The following GLDC variants were observed in gnomAD, a reference collection of about 807,000 sequenced individuals.
GLDC encodes the protein glycine dehydrogenase (decarboxylating), mitochondrial.
A neutral mutation model predicts 121.3 loss-of-function variants in GLDC; 104 were observed. The ratio of observed to expected loss-of-function variants is 0.86; its 90% CI spans 0.73 to 1.01. GLDC has a LOEUF of 1.01. GLDC is among the 50% of genes least tolerant of loss of function. The pLI is 0.00. For missense variants in GLDC, 1,429 were observed against 1,306.6 expected, an observed-to-expected ratio of 1.09 and a Z score of -1.44; for synonymous variants, 546 against 480.6, an observed-to-expected ratio of 1.14 and a Z score of -1.78.
In GLDC at chr9:6,532,486, A is replaced by G. The variant is rs555435648; in HGVS notation, c.*531T>C. ...GCATTCTTCCGATCAAGATGCTTTT[A>G]TTAGAATACTAATAAATGCAGATTA... On this transcript the variant is annotated 3_prime_UTR_variant, in exon 25 of 25. Coordinates refer to ENST00000321612, the MANE Select transcript of GLDC (RefSeq NM_000170.3). The G allele has an allele frequency of 6.4e-6, 1 of 155,512 alleles. No individual in the cohort carries two copies. The highest frequency in any genetic ancestry group is 1.4e-5 in the Non-Finnish European group (1 of 70,162). 9.6% of individuals were successfully genotyped at this position (155,512 alleles called of 1,614,324 possible).
At chr9:6,645,128 A>G (rs1292948372) in intron 1 of GLDC, 117 bp downstream of exon 1, 3 of 1,063,448 alleles carry the variant, frequency 2.8e-6, no homozygotes, top group Non-Finnish European at 2.7e-6. Context: ...CCCGGGACCC[A>G]GGGTGCGGGG....
chr9:6,619,118 G>A (rs1477557354), intron 3 of GLDC, among the ~76,000 whole-genome samples: 1 of 132,772 alleles, frequency 7.5e-6, no homozygotes, highest in Non-Finnish European at 1.5e-5. Flanking sequence ...ACTCCAGCCT[G>A]GGCAACAGAG....
intron 22 of GLDC, among the ~76,000 whole-genome samples, chr9:6,539,837 A>C (rs945980930): frequency 3.3e-5 from 5 of 152,290 alleles, no homozygotes; most frequent in African/African-American, 1.2e-4. Flanking sequence ...CTGTTAATGG[A>C]TTCAAGATGC....
Position 6,595,033 on chromosome 9 carries a change from G to C in GLDC, c.1242C>G (p.Ala414=), listed in dbSNP as rs761471932. 6.3e-7 allele frequency: 1 copy of C among 1,598,882 alleles called. No homozygotes were observed. The highest frequency in any genetic ancestry group is 1.7e-5 in the Admixed American group (1 of 59,996). The change falls in exon 9 of 25, where the codon GCC becomes GCG. Residue 414 remains alanine, a synonymous_variant. Coordinates refer to ENST00000321612, the MANE Select transcript of GLDC (RefSeq NM_000170.3). ...LEHIARRVHN[A]TLILSEGLKR... ...ACTCACCTTCTGACAAAATCAAAGT[G>C]GCATTATGTACCCTCCTAGCAATAT...
chr9:6,578,904 TTC>T (rs1270180428), intron 15 of GLDC, among the ~76,000 whole-genome samples: 1 of 152,250 alleles, frequency 6.6e-6, no homozygotes, highest in African/African-American at 2.4e-5. Context: ...GTTATTTAAT[TTC>T]CACATATTTG....
chr9:6,532,788 G>C lies in GLDC; in HGVS notation c.*229C>G, dbSNP rs184498089. 4.6e-4 allele frequency: 248 copies of C among 537,510 alleles called. 2 individuals carry two copies. The highest frequency in any genetic ancestry group is 4.1e-3 in the African/African-American group (217 of 52,698). The allele number at this position is 537,510 out of a possible 1,614,324, so 33.3% of individuals were successfully genotyped here. A position where few individuals can be genotyped will look rare whatever the true frequency, so the allele number is the denominator to read the frequency against. ...AAAACACAAAATGGCTCCCAATCCA[G>C]GCAACTGGCACATGTGGAAGCAGAA... On this transcript the variant is annotated 3_prime_UTR_variant, in exon 25 of 25. Transcript: ENST00000321612.
chr9:6,588,589 A>G, intron 13 of GLDC, 29 bp downstream of exon 13: 4 of 1,560,188 alleles, frequency 2.6e-6, no homozygotes, highest in Non-Finnish European at 3.5e-6. Flanking sequence ...GGTAGCTTGG[A>G]AATGAGAAAA....
chr9:6,563,527 C>T (rs187649863), intron 16 of GLDC, among the ~76,000 whole-genome samples: 73 of 152,216 alleles, frequency 4.8e-4, no homozygotes, highest in African/African-American at 1.7e-3. Flanking sequence ...AACATGGAAG[C>T]CATGAGGGAA....
Position 6,608,606 on chromosome 9 carries a change from C to T in GLDC, c.635+1586G>A, listed in dbSNP as rs184892054. 3.7e-3 allele frequency among the ~76,000 whole-genome samples: 556 copies of T among 149,598 alleles called. 2 individuals are homozygous for T. The highest frequency in any genetic ancestry group is 0.013 in the African/African-American group (533 of 40,766). ...ATACAAAAAAAAAAAATTAGCCGGG[C>T]GTGGTGGCAGGCACCTGTAGTCCCA... is the stretch of plus-strand genomic sequence containing the variant. On this transcript the variant is annotated intron_variant, in intron 4 of 24. Coordinates refer to ENST00000321612, the MANE Select transcript of GLDC (RefSeq NM_000170.3).
chr9:6,644,463 G>A (rs1335653177), intron 2 of GLDC, 151 bp downstream of exon 2: 14 of 678,042 alleles, frequency 2.1e-5, no homozygotes, highest in Middle Eastern at 2.6e-4. Flanking sequence ...CCACCTTCCC[G>A]CGGCTCCGGA....
chr9:6,635,225 G>A (rs748109794), intron 2 of GLDC, among the ~76,000 whole-genome samples: 4 of 152,192 alleles, frequency 2.6e-5, no homozygotes, highest in Admixed American at 6.5e-5. Context: ...TGTACACCAA[G>A]TGCCTGAAGC....
chr9:6,610,089 A>T, intron 4 of GLDC, 103 bp downstream of exon 4: 2 of 905,410 alleles, frequency 2.2e-6, no homozygotes, highest in Non-Finnish European at 3.5e-6. Context: ...GTCATACTCT[A>T]GAAAGCTGAC....
At chr9:6,606,172 G>C (rs1387544619) in intron 5 of GLDC, 6 of 205,454 alleles carry the variant, frequency 2.9e-5, no homozygotes, top group Admixed American at 2.2e-4. Context: ...AGCCAGGCGT[G>C]GTGGCGGGCA....
At chr9:6,575,212 A>T (rs1340518724) in intron 15 of GLDC, among the ~76,000 whole-genome samples, 1 of 149,522 alleles carries the variant, frequency 6.7e-6, no homozygotes, top group Non-Finnish European at 1.5e-5. Flanking sequence ...TCTCAAAAGA[A>T]GCAAAAAAAA....
At chr9:6,566,373 G>C (rs762908565) in intron 15 of GLDC, 1 of 152,012 alleles carries the variant, frequency 6.6e-6, no homozygotes, top group Admixed American at 6.6e-5. Flanking sequence ...AAGGTTTAAG[G>C]AAGACACACC....
chr9:6,619,513 A>G (rs1331264527), intron 3 of GLDC, among the ~76,000 whole-genome samples: 1 of 152,130 alleles, frequency 6.6e-6, no homozygotes, highest in Non-Finnish European at 1.5e-5. Flanking sequence ...GGATCACCTG[A>G]GGTCAGGAGT....
intron 16 of GLDC, among the ~76,000 whole-genome samples, chr9:6,563,284 G>C (rs560621040): frequency 6.6e-6 from 1 of 152,216 alleles, no homozygotes. Context: ...GGGAAATGGC[G>C]AGGGGTGGGA....
intron 8 of GLDC, among the ~76,000 whole-genome samples, chr9:6,597,738 C>G (rs1057184016): frequency 7.9e-5 from 12 of 152,006 alleles, no homozygotes; most frequent in Non-Finnish European, 1.3e-4. Context: ...AGATCGAGAC[C>G]ATCCTGGCTA....
At chr9:6,610,036 T>G (rs1818819150) in intron 4 of GLDC, among the ~76,000 whole-genome samples, 156 bp downstream of exon 4, 1 of 152,180 alleles carries the variant, frequency 6.6e-6, no homozygotes, top group African/African-American at 2.4e-5. Context: ...ATATCCAACC[T>G]CTAGGTTTTT....
Sources: gnomAD v4.1 joint callset for allele counts (sites outside exome capture counted in the v4.1 genomes callset) on GRCh38, gnomAD v4.1.1 for gene constraint, MANE v1.5 for transcripts, NCBI Gene and HGNC (gene_info 2026-07-23, HGNC 2026-07-21) for gene names.